TFPI: variants seen among roughly 807,000 people sequenced by gnomAD.
TFPI encodes anti-convertin.
TFPI carries 15 observed loss-of-function variants against 34.6 expected under a neutral mutation model. The ratio of observed to expected loss-of-function variants is 0.43; its 90% CI spans 0.29 to 0.67. The LOEUF (loss-of-function observed/expected upper bound fraction) is 0.67, where lower values mean the gene tolerates loss of function less well. TFPI is among the 30% of genes least tolerant of loss of function. The pLI is 0.15. For missense variants in TFPI, 301 were observed against 364.0 expected (o/e 0.83, Z 1.41); for synonymous variants, 105 against 120.1 (o/e 0.87, Z 0.82).
chr2:187,514,746 A>T (rs913208631), intron 1 of TFPI: 3 of 152,222 alleles, frequency 2.0e-5, no homozygotes, highest in Non-Finnish European at 2.9e-5. Context: ...GAGGAAAAAT[A>T]AGACATTGTA....
chr2:187,539,066 TG>T (rs1282512350), intron 1 of TFPI, among the ~76,000 whole-genome samples: 1 of 134,730 alleles, frequency 7.4e-6, no homozygotes, highest in Non-Finnish European at 1.6e-5. Flanking sequence ...TTTATTTATT[TG>T]TACCTTTGCC....
At chr2:187,501,669 C>T in intron 2 of TFPI, among the ~76,000 whole-genome samples, 1 of 152,022 alleles carries the variant, frequency 6.6e-6, no homozygotes. Context: ...TTCAGTCTCA[C>T]AAAGGTACTA....
chr2:187,465,991 C>A lies in TFPI; in HGVS notation c.*945G>T, dbSNP rs986665298. The A allele has an allele frequency of 6.6e-6, 1 of 152,162 alleles. No homozygotes were observed. The highest frequency in any genetic ancestry group is 2.4e-5 in the African/African-American group (1 of 41,440). 9.4% of individuals were successfully genotyped at this position (152,162 alleles called of 1,614,324 possible). ...ACTAGCACATGAATTTTCTAGTAGA[C>A]TCTTCCCTGCTGATAATTTTCTCTT... On this transcript the variant is annotated 3_prime_UTR_variant, in exon 8 of 8. Transcript: ENST00000233156.
chr2:187,479,625 A>G (rs543701328), intron 6 of TFPI, among the ~76,000 whole-genome samples: 90 of 142,810 alleles, frequency 6.3e-4, no homozygotes, highest in Admixed American at 1.4e-3. Flanking sequence ...TAAATATAAA[A>G]CTATTTTTGT....
chr2:187,485,086 G>C lies in TFPI; in HGVS notation c.359-99C>G, dbSNP rs8176513. The C allele has an allele frequency of 7.1e-4, 626 of 885,674 alleles. 5 individuals are homozygous for C. In the African/African-American group the frequency reaches 0.01, roughly 14 times the overall value. 54.9% of individuals were successfully genotyped at this position (885,674 alleles called of 1,614,324 possible). Reference sequence around the variant, plus strand: ...AATACCTGGCTAAGTTATTGAAGGAGTAAGCATAAAAATTAAAAAGTAAAA... The same window carrying C: ...AATACCTGGCTAAGTTATTGAAGGACTAAGCATAAAAATTAAAAAGTAAAA... On this transcript the variant is annotated intron_variant, in intron 4 of 7. Transcript: ENST00000233156.
Position 187,484,818 on chromosome 2 carries a change from T to G in TFPI, c.528A>C (p.Glu176Asp). 1 of 1,584,070 alleles carries G rather than the reference T, an allele frequency of 6.3e-7. No homozygotes were observed. The highest frequency in any genetic ancestry group is 8.5e-7 in the Non-Finnish European group (1 of 1,170,158). Reference protein sequence around the residue: ...ETLEECKNICEDGPNGFQVDN... With the variant: ...ETLEECKNICDDGPNGFQVDN... ...AATAAGAAATAAACTTACGACCATC[T>G]TCACAAATGTTCTTGCATTCTTCCA... Residue 176 changes from glutamate to aspartate, a missense_variant, in exon 5 of 8, where the codon GAA becomes GAC. Transcript: ENST00000233156.
chr2:187,484,618 A>T (rs1335613436), intron 5 of TFPI, 193 bp downstream of exon 5: 1 of 530,296 alleles, frequency 1.9e-6, no homozygotes, highest in African/African-American at 2.0e-5. Flanking sequence ...AAAGTATTAG[A>T]TCTATGAAAA....
At chr2:187,540,575 G>A (rs1688524477) in intron 1 of TFPI, among the ~76,000 whole-genome samples, 1 of 152,120 alleles carries the variant, frequency 6.6e-6, no homozygotes, top group Non-Finnish European at 1.5e-5. Flanking sequence ...CTTCTTTTAT[G>A]TAATACATTT....
chr2:187,527,439 G>C (rs943560304), intron 1 of TFPI, among the ~76,000 whole-genome samples: 2 of 152,136 alleles, frequency 1.3e-5, no homozygotes, highest in African/African-American at 4.8e-5. Context: ...AATACATTGT[G>C]GGAATGCAAA....
At chr2:187,505,406 T>C (rs1686141409) in intron 1 of TFPI, among the ~76,000 whole-genome samples, 1 of 152,244 alleles carries the variant, frequency 6.6e-6, no homozygotes, top group Non-Finnish European at 1.5e-5. Context: ...CATCAGTTTA[T>C]TTATTCTAGA....
chr2:187,543,515 AT>A (rs1559159410), intron 1 of TFPI, among the ~76,000 whole-genome samples: 1 of 152,192 alleles, frequency 6.6e-6, no homozygotes, highest in Non-Finnish European at 1.5e-5. Context: ...TTATGAATTC[AT>A]TTTCATAGTT....
intron 2 of TFPI, among the ~76,000 whole-genome samples, chr2:187,497,506 A>T (rs1321184961): frequency 2.0e-5 from 3 of 152,168 alleles, no homozygotes; most frequent in East Asian, 3.9e-4. Context: ...ATATACACAC[A>T]CATATGTATA....
intron 6 of TFPI, among the ~76,000 whole-genome samples, chr2:187,470,792 C>T (rs574947289): frequency 1.2e-4 from 18 of 152,208 alleles, no homozygotes; most frequent in Non-Finnish European, 2.4e-4. Flanking sequence ...ATTGCCTCTA[C>T]TGACACTCTT....
chr2:187,506,096 A>C (rs186339102), intron 1 of TFPI, among the ~76,000 whole-genome samples: 80 of 152,250 alleles, frequency 5.3e-4, no homozygotes, highest in Non-Finnish European at 8.7e-4. Flanking sequence ...TCTGGGTGAT[A>C]ACAGATTTAA....
intron 1 of TFPI, among the ~76,000 whole-genome samples, chr2:187,534,847 G>A (rs111248220): frequency 0.011 from 1,680 of 150,800 alleles, 31 homozygotes; most frequent in African/African-American, 0.037. Flanking sequence ...AACACACATT[G>A]ACTCAAAGTA....
Position 187,467,747 on chromosome 2 carries a change from C to G in TFPI, c.808+6G>C. The G allele has an allele frequency of 6.3e-7, 1 of 1,594,516 alleles. No individual in the cohort carries two copies. Among genetic ancestry groups the G allele is most frequent in the African/African-American group, 1.3e-5 (1 of 74,640 alleles). ...AGTCAATTAATGGGAAGAGTATCTT[C>G]TATACCTTTTTTACATGCCCTCAGA... On this transcript the variant is annotated splice_donor_region_variant and intron_variant, in intron 7 of 7. Transcript: ENST00000233156.
intron 1 of TFPI, among the ~76,000 whole-genome samples, chr2:187,523,193 CATAA>C (rs917867168): frequency 1.4e-4 from 21 of 151,910 alleles, no homozygotes; most frequent in Non-Finnish European, 1.5e-4. Flanking sequence ...TAAATAAATA[CATAA>C]ATAAATAAGG....
chr2:187,553,477 G>A (rs1318255275), intron 1 of TFPI, among the ~76,000 whole-genome samples: 1 of 151,852 alleles, frequency 6.6e-6, no homozygotes, highest in Non-Finnish European at 1.5e-5. Context: ...TATTTCTGTG[G>A]TTGTTTACTG....
chr2:187,543,891 T>C (rs1029008982), intron 1 of TFPI, among the ~76,000 whole-genome samples: 2 of 152,170 alleles, frequency 1.3e-5, no homozygotes, highest in African/African-American at 4.8e-5. Flanking sequence ...GTGACACTTG[T>C]TACTGAAGCT....
Sources: gnomAD v4.1 joint callset for allele counts (sites outside exome capture counted in the v4.1 genomes callset) on GRCh38, gnomAD v4.1.1 for gene constraint, MANE v1.5 for transcripts, NCBI Gene and HGNC (gene_info 2026-07-23, HGNC 2026-07-21) for gene names.